Variants in SULT6B1 observed in about 807,000 individuals in gnomAD.
SULT6B1 encodes sulfotransferase family 6B member 1, also known as sulfotransferase 6B1.
A neutral mutation model predicts 37.2 loss-of-function variants in SULT6B1; 44 were observed. That is an observed-to-expected ratio of 1.18 (90% CI 0.93 to 1.52). SULT6B1 has a LOEUF of 1.52. SULT6B1 is among the 40% of genes most tolerant of loss of function. The probability of loss-of-function intolerance (pLI) is 0.00; values close to 1 mark genes in which losing one functional copy is unlikely to be tolerated. For synonymous variants in SULT6B1, 140 were observed against 126.0 expected (o/e 1.11, Z -0.74); for missense variants, 450 against 361.0 (o/e 1.25, Z -2.00).
intron 1 of SULT6B1, among the ~76,000 whole-genome samples, chr2:37,187,838 A>G (rs928900465): frequency 6.6e-6 from 1 of 151,908 alleles, no homozygotes; most frequent in African/African-American, 2.4e-5. Context: ...TATAATTTTG[A>G]TTTTATGAAA....
intron 4 of SULT6B1, among the ~76,000 whole-genome samples, chr2:37,176,448 C>T (rs1009696190): frequency 2.2e-4 from 33 of 151,676 alleles, no homozygotes; most frequent in African/African-American, 4.8e-4. Context: ...TTGGTAGAGA[C>T]GAGGTTTCAC....
intron 2 of SULT6B1, among the ~76,000 whole-genome samples, chr2:37,186,657 C>T (rs1171025160): frequency 5.3e-5 from 8 of 151,926 alleles, no homozygotes; most frequent in African/African-American, 1.7e-4. Flanking sequence ...TTTGGGAGGC[C>T]GAGGTGGGAG....
At chr2:37,169,483 C>CTTGTTT (rs373450903) in intron 6 of SULT6B1, among the ~76,000 whole-genome samples, 140 of 151,814 alleles carry the variant, frequency 9.2e-4, no homozygotes, top group African/African-American at 3.3e-3. Context: ...TTTTTGTTTT[C>CTTGTTT]TTGTTTTTGT....
upstream of SULT6B1, among the ~76,000 whole-genome samples, chr2:37,192,132 A>T (rs1676791885): frequency 6.6e-6 from 1 of 152,234 alleles, no homozygotes; most frequent in South Asian, 2.1e-4. Context: ...CCAAGAAAAA[A>T]CCTGCATCAC....
chr2:37,193,117 G>GGCCT (rs1676815100), upstream of SULT6B1, among the ~76,000 whole-genome samples: 2 of 152,068 alleles, frequency 1.3e-5, no homozygotes, highest in African/African-American at 4.8e-5. Context: ...TGCCAGCTGT[G>GGCCT]GCCTGGCTCA....
chr2:37,190,679 T>C (rs1676763440), upstream of SULT6B1, among the ~76,000 whole-genome samples: 1 of 152,188 alleles, frequency 6.6e-6, no homozygotes, highest in Non-Finnish European at 1.5e-5. Context: ...TGTTCTAAAG[T>C]ACCACCTTAA....
upstream of SULT6B1, among the ~76,000 whole-genome samples, chr2:37,193,091 C>T (rs1676814666): frequency 6.6e-6 from 1 of 152,166 alleles, no homozygotes; most frequent in South Asian, 2.1e-4. Flanking sequence ...TAAATTACCG[C>T]AGACCTATCA....
intron 5 of SULT6B1, among the ~76,000 whole-genome samples, chr2:37,172,073 G>A (rs571178192): frequency 6.7e-6 from 1 of 150,250 alleles, no homozygotes; most frequent in African/African-American, 2.4e-5. Context: ...TTTTAGACAG[G>A]GTCTTTCTCT....
At chr2:37,175,865 A>T (rs1451351296) in intron 4 of SULT6B1, among the ~76,000 whole-genome samples, 1 of 152,250 alleles carries the variant, frequency 6.6e-6, no homozygotes, top group Non-Finnish European at 1.5e-5. Flanking sequence ...GTATATTTAG[A>T]TTTAATAAAA....
intron 5 of SULT6B1, among the ~76,000 whole-genome samples, chr2:37,173,179 T>C (rs115816815): frequency 0.024 from 3,628 of 152,264 alleles, 66 homozygotes; most frequent in Middle Eastern, 0.058. Context: ...TTTATAAGAA[T>C]GTAATGTAAG....
At chr2:37,182,044 A>G (rs1350629486) in intron 3 of SULT6B1, among the ~76,000 whole-genome samples, 2 of 152,134 alleles carry the variant, frequency 1.3e-5, no homozygotes, top group Non-Finnish European at 2.9e-5. Context: ...TTAAGCTACT[A>G]GGATTCTTGT....
chr2:37,190,346 A>G (rs1251075197), upstream of SULT6B1, among the ~76,000 whole-genome samples: 2 of 152,164 alleles, frequency 1.3e-5, no homozygotes, highest in South Asian at 2.1e-4. Flanking sequence ...CTCTTAACCA[A>G]TGTTAACCAG....
chr2:37,180,744 C>T (rs922834787), intron 3 of SULT6B1, among the ~76,000 whole-genome samples: 15 of 152,032 alleles, frequency 9.9e-5, no homozygotes, highest in African/African-American at 2.4e-4. Context: ...ATTAGCCAGG[C>T]GCAGTGTTGT....
chr2:37,171,170 G>A (rs1676288674), intron 6 of SULT6B1, among the ~76,000 whole-genome samples: 1 of 152,220 alleles, frequency 6.6e-6, no homozygotes, highest in East Asian at 1.9e-4. Flanking sequence ...AACCCAGGAG[G>A]CGGAGGTTGC....
intron 4 of SULT6B1, among the ~76,000 whole-genome samples, chr2:37,175,889 A>C (rs1367275262): frequency 6.6e-6 from 1 of 152,240 alleles, no homozygotes; most frequent in Admixed American, 6.5e-5. Context: ...ACAGTTTAAA[A>C]AGTATATTCA....
At chr2:37,170,408 C>T (rs1048415276) in intron 6 of SULT6B1, among the ~76,000 whole-genome samples, 4 of 151,558 alleles carry the variant, frequency 2.6e-5, no homozygotes, top group South Asian at 2.1e-4. Context: ...CGGAGGTTGC[C>T]GTGAGCCGAG....
In SULT6B1 at chr2:37,167,832, ATTGT is replaced by A. The variant is rs1166536667; in HGVS notation, c.*99_*102del. 2 of 1,009,962 alleles carry A rather than the reference ATTGT, an allele frequency of 2.0e-6. No individual in the cohort carries two copies. Among genetic ancestry groups the A allele is most frequent in the Non-Finnish European group, 2.7e-6 (2 of 736,480 alleles). The allele number at this position is 1,009,962 out of a possible 1,614,324, so 62.6% of individuals were successfully genotyped here. ...TGTATTGTATTATTTAGATTTCAAT[ATTGT>A]TTAATTATTATTTGATTATTTGATT... is the stretch of plus-strand genomic sequence containing the variant. On this transcript the variant is annotated 3_prime_UTR_variant, in exon 7 of 7. Transcript: ENST00000535679.
chr2:37,192,019 C>T (rs775015700), upstream of SULT6B1, among the ~76,000 whole-genome samples: 4 of 152,090 alleles, frequency 2.6e-5, no homozygotes, highest in East Asian at 1.9e-4. Context: ...TGGATCCCAC[C>T]GCAAGCACTG....
chr2:37,179,572 A>G lies in SULT6B1; in HGVS notation c.415T>C (p.Phe139Leu). ...FENKAKILVI[F>L]RNPKDTAVSF... ...ACTGCTGTATCTTTAGGGTTTCGAAATATCACCAATATCTAGGGAGCAAAA... is the reference window on the plus strand; with the variant it reads ...ACTGCTGTATCTTTAGGGTTTCGAAGTATCACCAATATCTAGGGAGCAAAA... Residue 139 changes from phenylalanine (F) to leucine (L), a missense_variant, in exon 4 of 7, where the codon TTT (phenylalanine) becomes CTT (leucine). Transcript: ENST00000535679. 5.0e-6 allele frequency: 8 copies of G among 1,611,110 alleles called. No individual in the cohort carries two copies. Among genetic ancestry groups the G allele is most frequent in the Non-Finnish European group, 6.8e-6 (8 of 1,179,560 alleles).
Sources: gnomAD v4.1 joint callset for allele counts (sites outside exome capture counted in the v4.1 genomes callset) on GRCh38, gnomAD v4.1.1 for gene constraint, MANE v1.5 for transcripts, NCBI Gene and HGNC (gene_info 2026-07-23, HGNC 2026-07-21) for gene names.